INTS6: variants seen among roughly 807,000 people sequenced by gnomAD.
INTS6 encodes the protein DEAD box protein.
INTS6 carries 16 observed loss-of-function variants against 104.9 expected under a neutral mutation model. That is an observed-to-expected ratio of 0.15 (90% CI 0.10 to 0.23). The LOEUF (loss-of-function observed/expected upper bound fraction) is 0.23. INTS6 is among the 10% of genes least tolerant of loss of function. The probability of loss-of-function intolerance (pLI) is 1.00; values close to 1 mark genes in which losing one functional copy is unlikely to be tolerated. For missense variants in INTS6, 584 were observed against 1,062.8 expected (o/e 0.55, Z 6.26); for synonymous variants, 324 against 358.7 (o/e 0.90, Z 1.09).
chr13:51,366,611 G>A (rs1030400276), intron 17 of INTS6, among the ~76,000 whole-genome samples: 11 of 151,936 alleles, frequency 7.2e-5, no homozygotes, highest in East Asian at 3.9e-4. Context: ...TACAGATACC[G>A]GGGATATAAA....
At chr13:51,337,348 C>T in the INTS6 span, among the ~76,000 whole-genome samples, 1 of 152,182 alleles carries the variant, frequency 6.6e-6, no homozygotes, top group South Asian at 2.1e-4. Flanking sequence ...TTATAAGAAT[C>T]GGCTAGTGAA....
rs929855688 is a variant in INTS6, at chr13:51,452,996, G to T, written c.-471C>A. 26 of 1,004,174 alleles carry T rather than the reference G, an allele frequency of 2.6e-5. No individual in the cohort carries two copies. Among genetic ancestry groups the T allele is most frequent in the Non-Finnish European group, 3.1e-5 (26 of 841,186 alleles). 62.2% of individuals were successfully genotyped at this position (1,004,174 alleles called of 1,614,324 possible). A position where few individuals can be genotyped will look rare whatever the true frequency, so the allele number is the denominator to read the frequency against. On this transcript the variant is annotated 5_prime_UTR_variant, in exon 1 of 18. Coordinates refer to ENST00000311234, the MANE Select transcript of INTS6 (RefSeq NM_012141.3). This position sits in a 1 kb window ranked among gnomAD's most constrained non-coding sequence, Gnocchi z 4.2. ...GTTTCAGGGACTCCCTCCGCACCCC[G>T]GCGGTGTCACCACTTTCTCAGCCCC...
chr13:51,368,882 T>G, intron 16 of INTS6, 57 bp downstream of exon 16: 2 of 1,503,426 alleles, frequency 1.3e-6, no homozygotes, highest in Non-Finnish European at 1.8e-6. Context: ...TTTTTCTTTT[T>G]TGCTTTTTGA....
chr13:51,381,037 T>C (rs1956039414), intron 10 of INTS6, among the ~76,000 whole-genome samples: 1 of 152,224 alleles, frequency 6.6e-6, no homozygotes, highest in South Asian at 2.1e-4. Context: ...GCATCTGTAC[T>C]GAACATATAT....
In INTS6 at chr13:51,452,647, A is replaced by G. The variant is rs537796065; in HGVS notation, c.-122T>C. On this transcript the variant is annotated 5_prime_UTR_variant, in exon 1 of 18. Transcript: ENST00000311234. This position sits in a 1 kb window ranked among gnomAD's most constrained non-coding sequence, Gnocchi z 4.2. ...GGGGAGCACGGCCCCCGGGAGGAAA[A>G]CACTGTCTGGGTCTTTCCTCCGGCT... is the stretch of plus-strand genomic sequence containing the variant. The G allele has an allele frequency of 1.1e-5, 17 of 1,491,850 alleles. No homozygotes were observed. The South Asian group carries it at 1.9e-4, about 17-fold the overall frequency. 92.4% of individuals were successfully genotyped at this position (1,491,850 alleles called of 1,614,324 possible).
intron 15 of INTS6, 101 bp downstream of exon 15, chr13:51,374,107 T>C: frequency 1.2e-6 from 1 of 861,308 alleles, no homozygotes; most frequent in Non-Finnish European, 1.8e-6. Flanking sequence ...TCACTCATTG[T>C]ACTACTAATC....
intron 4 of INTS6, chr13:51,423,227 C>T (rs1477992081): frequency 2.5e-5 from 9 of 358,738 alleles, no homozygotes; most frequent in Admixed American, 4.4e-5. Context: ...CAAAATCTAA[C>T]GAATTCATTC....
intron 3 of INTS6, 157 bp downstream of exon 3, chr13:51,450,868 T>C (rs981966158): frequency 7.2e-6 from 9 of 1,256,044 alleles, no homozygotes; most frequent in African/African-American, 4.6e-5. Flanking sequence ...AAAATATATA[T>C]AGTAGGGTAA....
chr13:51,381,005 T>C (rs762838705), intron 10 of INTS6, among the ~76,000 whole-genome samples: 1 of 151,980 alleles, frequency 6.6e-6, no homozygotes, highest in African/African-American at 2.4e-5. Flanking sequence ...CTGAAAACGT[T>C]AGGAAAAAAA....
intron 3 of INTS6, chr13:51,450,465 T>C (rs1411658431): frequency 1.0e-6 from 1 of 985,296 alleles, no homozygotes. Flanking sequence ...GGCCTGAAAT[T>C]TAATTCAGAG....
intron 4 of INTS6, among the ~76,000 whole-genome samples, chr13:51,396,871 G>C (rs576865101): frequency 6.6e-6 from 1 of 152,272 alleles, no homozygotes; most frequent in East Asian, 1.9e-4. Flanking sequence ...GAAGATTTTT[G>C]AGACAATCAG....
intron 4 of INTS6, among the ~76,000 whole-genome samples, chr13:51,417,102 T>C (rs1566236558): frequency 1.3e-5 from 2 of 152,224 alleles, no homozygotes; most frequent in African/African-American, 2.4e-5. Flanking sequence ...TACAGTTCTT[T>C]ATATATTCTG....
chr13:51,450,942 C>T, intron 3 of INTS6, 83 bp downstream of exon 3: 1 of 1,381,320 alleles, frequency 7.2e-7, no homozygotes, highest in Non-Finnish European at 9.4e-7. Flanking sequence ...ACTTGCATTT[C>T]ATGTTATGTA....
chr13:51,404,093 CACACACACACAGAGAG>C (rs1010970192), intron 4 of INTS6, among the ~76,000 whole-genome samples: 23 of 142,658 alleles, frequency 1.6e-4, no homozygotes, highest in Non-Finnish European at 3.2e-4. Flanking sequence ...CACACACACA[CACACACACACAGAGAG>C]AGAGAGAGAG....
chr13:51,440,484 C>A (rs1194969069), intron 3 of INTS6: 1 of 152,064 alleles, frequency 6.6e-6, no homozygotes, highest in Non-Finnish European at 1.5e-5. Flanking sequence ...TTTATAAAGT[C>A]TACAGCAGTG....
the INTS6 span, chr13:51,341,189 T>C: frequency 1.2e-6 from 2 of 1,613,994 alleles, no homozygotes; most frequent in East Asian, 2.2e-5. Flanking sequence ...AAGACTGAGT[T>C]TGCACTTCAC....
At chr13:51,347,965 C>T in the INTS6 span, among the ~76,000 whole-genome samples, 1 of 152,124 alleles carries the variant, frequency 6.6e-6, no homozygotes, top group African/African-American at 2.4e-5. Flanking sequence ...GTCCCCCCCC[C>T]CATACCCAGT....
chr13:51,440,362 A>C (rs1335201014), intron 3 of INTS6: 2 of 152,176 alleles, frequency 1.3e-5, no homozygotes, highest in East Asian at 3.9e-4. Context: ...ATCTTACTAA[A>C]AAGAGTTAAA....
chr13:51,367,872 T>A lies in INTS6; in HGVS notation c.2503A>T (p.Lys835Ter). The A allele has an allele frequency of 6.3e-7, 1 of 1,585,652 alleles. No homozygotes were observed. Among genetic ancestry groups the A allele is most frequent in the Non-Finnish European group, 8.6e-7 (1 of 1,168,652 alleles). Residue 835 changes from lysine (K) to a stop codon, truncating the protein, a stop_gained, in exon 17 of 18, where the codon AAG becomes TAG. Coordinates refer to ENST00000311234, the MANE Select transcript of INTS6 (RefSeq NM_012141.3). LOFTEE classifies it high-confidence loss of function. ...RKYERIFTLL[K>*]HVQGSLQTRL... ...GTTTGTAAACTGCCTTGCACATGCT[T>A]CAGTAAAGTGAAGATTCTTTCATAT... is the stretch of plus-strand genomic sequence containing the variant.
Sources: gnomAD v4.1 joint callset for allele counts (sites outside exome capture counted in the v4.1 genomes callset) on GRCh38, gnomAD v4.1.1 for gene constraint, Gnocchi (gnomAD v3.1) non-coding constraint, MANE v1.5 for transcripts, NCBI Gene and HGNC (gene_info 2026-07-23, HGNC 2026-07-21) for gene names.